PKHD1: variants seen among roughly 807,000 people sequenced by gnomAD.
PKHD1 encodes fibrocystin.
A neutral mutation model predicts 412.0 loss-of-function variants in PKHD1; 291 were observed. The observed-to-expected ratio is 0.71, with a 90% CI of 0.64 to 0.78. PKHD1 has a LOEUF of 0.78. PKHD1 is among the 30% of genes least tolerant of loss of function. PKHD1 has a pLI of 0.00. For synonymous variants in PKHD1, 1,777 were observed against 1,821.5 expected (o/e 0.98, Z 0.62); for missense variants, 4,825 against 4,950.7 (o/e 0.97, Z 0.76).
intron 60 of PKHD1, among the ~76,000 whole-genome samples, chr6:51,699,920 AGTGTGTGT>A (rs148337538): frequency 2.9e-5 from 4 of 137,906 alleles, no homozygotes; most frequent in African/African-American, 1.1e-4. Flanking sequence ...ATATATATGG[AGTGTGTGT>A]GTGTGTGTGT....
At chr6:51,691,162 C>G (rs1351013626) in intron 60 of PKHD1, among the ~76,000 whole-genome samples, 1 of 104,654 alleles carries the variant, frequency 9.6e-6, no homozygotes, top group African/African-American at 3.4e-5. Context: ...ATAACAGAAG[C>G]TGGCAAAGTT....
intron 55 of PKHD1, among the ~76,000 whole-genome samples, chr6:51,757,203 T>C (rs1787170004): frequency 6.6e-6 from 1 of 152,126 alleles, no homozygotes; most frequent in South Asian, 2.1e-4. Flanking sequence ...TATTGTTGAA[T>C]AAAGCTCTTC....
rs145278383 is a variant in PKHD1, at chr6:51,798,439, T to C, written c.8303-7066A>G. Among the ~76,000 whole-genome samples the C allele has an allele frequency of 1.9e-3, 288 of 152,258 alleles. 2 individuals carry two copies. Among genetic ancestry groups the C allele is most frequent in the African/African-American group, 6.6e-3 (275 of 41,564 alleles). On this transcript the variant is annotated intron_variant, in intron 52 of 66. Coordinates refer to ENST00000371117, the MANE Select transcript of PKHD1 (RefSeq NM_138694.4). ...TTGGAATGTCTTTTCTTTAAGAATG[T>C]TGAATATCTACCCCCAATCTCTTTT...
At chr6:52,003,034 GTTTAAATA>G (rs1798627388) in intron 35 of PKHD1, among the ~76,000 whole-genome samples, 1 of 152,020 alleles carries the variant, frequency 6.6e-6, no homozygotes, top group African/African-American at 2.4e-5. Context: ...CTATTTGGGA[GTTTAAATA>G]TTTAAATAAA....
At chr6:51,702,174 A>AAT (rs773929429) in intron 60 of PKHD1, among the ~76,000 whole-genome samples, 273 of 146,106 alleles carry the variant, frequency 1.9e-3, no homozygotes, top group Middle Eastern at 3.6e-3. Flanking sequence ...TTATATGTAT[A>AAT]ATATATAATA....
intron 60 of PKHD1, among the ~76,000 whole-genome samples, chr6:51,666,073 G>C (rs1773713159): frequency 3.3e-5 from 5 of 152,070 alleles, no homozygotes; most frequent in Admixed American, 6.6e-5. Context: ...AAATGTTTGT[G>C]GACTGAGAAG....
intron 6 of PKHD1, among the ~76,000 whole-genome samples, chr6:52,074,787 G>A (rs1304961946): frequency 1.3e-5 from 2 of 152,156 alleles, no homozygotes; most frequent in African/African-American, 4.8e-5. Flanking sequence ...CACTGGGCAG[G>A]CTTCCCAAAT....
chr6:52,060,126 T>C (rs1808452544), intron 14 of PKHD1, 84 bp from the exon 15 acceptor site: 1 of 773,282 alleles, frequency 1.3e-6, no homozygotes, highest in Non-Finnish European at 2.4e-6. Flanking sequence ...GTACTTTGTC[T>C]TCTTTTATGG....
intron 35 of PKHD1, among the ~76,000 whole-genome samples, chr6:52,007,380 C>A (rs991351119): frequency 6.6e-6 from 1 of 152,144 alleles, no homozygotes; most frequent in Admixed American, 6.5e-5. Context: ...GGAACAGGGA[C>A]CTGGATTGTA....
chr6:51,684,567 G>T (rs909822067), intron 60 of PKHD1, among the ~76,000 whole-genome samples: 1 of 152,070 alleles, frequency 6.6e-6, no homozygotes, highest in Non-Finnish European at 1.5e-5. Context: ...GGGATCTATA[G>T]GACATCGTTG....
chr6:51,716,273 A>T (rs1781244380), intron 60 of PKHD1, among the ~76,000 whole-genome samples: 1 of 152,252 alleles, frequency 6.6e-6, no homozygotes, highest in Admixed American at 6.5e-5. Flanking sequence ...ATATTCATTT[A>T]GCTTAACCCC....
intron 50 of PKHD1, among the ~76,000 whole-genome samples, chr6:51,836,934 C>G (rs1479393944): frequency 1.3e-5 from 2 of 152,284 alleles, no homozygotes; most frequent in East Asian, 1.9e-4. Context: ...TTCCCCACCC[C>G]CTATCCTCCT....
At chr6:51,781,268 A>C (rs1005228543) in intron 53 of PKHD1, among the ~76,000 whole-genome samples, 7 of 152,162 alleles carry the variant, frequency 4.6e-5, no homozygotes, top group African/African-American at 1.7e-4. Context: ...TCTCCAGTAG[A>C]ACTGATTCCA....
rs373325476 is a variant in PKHD1 at position 51,632,546 on chromosome 6, T to TA, written c.11665+18dup. ...TTTTTCAGAAATTTTCATTCCAAAA[T>TA]AAAAAAAAAACTACATACTTCTGCT... On this transcript the variant is annotated intron_variant, in intron 65 of 66. Transcript: ENST00000371117. 0.055 allele frequency: 70,790 copies of TA among 1,277,764 alleles called. 492 individuals are homozygous for TA. Among genetic ancestry groups the TA allele is most frequent in the African/African-American group, 0.11 (7,248 of 66,242 alleles). The allele number at this position is 1,277,764 out of a possible 1,614,324, so 79.2% of individuals were successfully genotyped here. A position where few individuals can be genotyped will look rare whatever the true frequency, so the allele number is the denominator to read the frequency against.
intron 60 of PKHD1, among the ~76,000 whole-genome samples, chr6:51,675,905 T>C (rs2150531323): frequency 6.6e-6 from 1 of 152,348 alleles, no homozygotes; most frequent in East Asian, 1.9e-4. Context: ...TGTGTGTGCA[T>C]GTGTGCCTAT....
chr6:52,048,675 G>T, intron 22 of PKHD1, 56 bp from the exon 23 acceptor site: 3 of 1,606,822 alleles, frequency 1.9e-6, no homozygotes, highest in Non-Finnish European at 1.7e-6. Flanking sequence ...GCACCTAGGA[G>T]GACCTTGTCT....
rs113462252 is a variant in PKHD1, at chr6:51,982,897, A to G, written c.5752-22871T>C. On this transcript the variant is annotated intron_variant, in intron 35 of 66. Coordinates refer to ENST00000371117, the MANE Select transcript of PKHD1 (RefSeq NM_138694.4). Reference sequence around the variant, plus strand: ...AAATAAAATAAAATAAAATAAAAAAAAGAGAGGCTCCAAAGTATCCACATC... The same window carrying G: ...AAATAAAATAAAATAAAATAAAAAAGAGAGAGGCTCCAAAGTATCCACATC... 1.0e-2 allele frequency among the ~76,000 whole-genome samples: 1,497 copies of G among 150,214 alleles called. 25 individuals carry two copies. The highest frequency in any genetic ancestry group is 0.035 in the African/African-American group (1,431 of 40,726).
chr6:52,006,353 T>TTTG lies in PKHD1; in HGVS notation c.5751+3953_5751+3955dup, dbSNP rs34912833. ...GCTGGGCTGATTTTTTGGTTTGTTT[T>TTTG]TTGTTGTTGTTGTTGTTGTTGTTTG... On this transcript the variant is annotated intron_variant, in intron 35 of 66. Coordinates refer to ENST00000371117, the MANE Select transcript of PKHD1 (RefSeq NM_138694.4). 8.4e-3 allele frequency among the ~76,000 whole-genome samples: 1,174 copies of TTTG among 139,392 alleles called. 18 individuals carry two copies. Among genetic ancestry groups the TTTG allele is most frequent in the African/African-American group, 0.028 (1,097 of 39,326 alleles). The allele number at this position is 139,392 out of a possible 152,430, so 91.4% of individuals were successfully genotyped here. A position where few individuals can be genotyped will look rare whatever the true frequency, so the allele number is the denominator to read the frequency against.
chr6:52,053,649 G>C (rs572374276), intron 20 of PKHD1, among the ~76,000 whole-genome samples: 1 of 152,272 alleles, frequency 6.6e-6, no homozygotes, highest in African/African-American at 2.4e-5. Context: ...GAATTATGTG[G>C]AAAGCACTGA....
Sources: gnomAD v4.1 joint callset for allele counts (sites outside exome capture counted in the v4.1 genomes callset) on GRCh38, gnomAD v4.1.1 for gene constraint, MANE v1.5 for transcripts, NCBI Gene and HGNC (gene_info 2026-07-23, HGNC 2026-07-21) for gene names.